Variants in PCDH9 observed in about 807,000 individuals in gnomAD.
PCDH9 encodes the protein protocadherin-9.
Under a neutral mutation model 70.6 loss-of-function variants are expected in PCDH9, and 24 were observed. The observed-to-expected ratio is 0.34, with a 90% confidence interval of 0.25 to 0.48. The LOEUF is 0.48. Ranked by LOEUF, PCDH9 falls within the 20% of genes least tolerant of loss-of-function variation. The pLI is 0.99. For synonymous variants in PCDH9, 562 were observed against 558.5 expected (o/e 1.01, Z -0.09); for missense variants, 1,281 against 1,503.6 (o/e 0.85, Z 2.45).
rs1050326381 is a variant in PCDH9, at chr13:66,866,493, CA to C, written c.3138+37010del. 2.1e-5 allele frequency among the ~76,000 whole-genome samples: 3 copies of C among 141,016 alleles called. No individual in the cohort carries two copies. In the East Asian group the frequency reaches 6.5e-4, roughly 31 times the overall value. 92.5% of individuals were successfully genotyped at this position (141,016 alleles called of 152,430 possible). On this transcript the variant is annotated intron_variant, in intron 3 of 4. Transcript: ENST00000377865. Reference sequence around the variant, plus strand: ...CGAGACTCAAAAATAAAAACAAAAACAAAAAAACAAAAACTTGCTCATGGCT... The same window carrying C: ...CGAGACTCAAAAATAAAAACAAAAACAAAAAACAAAAACTTGCTCATGGCT...
chr13:66,518,596 T>G (rs961510637), intron 4 of PCDH9, among the ~76,000 whole-genome samples: 2 of 152,122 alleles, frequency 1.3e-5, no homozygotes, highest in Non-Finnish European at 1.5e-5. Flanking sequence ...AAGGATATAC[T>G]TTGGAAAATT....
chr13:66,572,916 C>T (rs550091244), intron 4 of PCDH9, among the ~76,000 whole-genome samples: 36 of 152,122 alleles, frequency 2.4e-4, no homozygotes, highest in South Asian at 4.2e-4. Flanking sequence ...TGTGCCACTG[C>T]GCCTGGCTAA....
intron 2 of PCDH9, among the ~76,000 whole-genome samples, chr13:67,039,241 G>A (rs2085065783): frequency 6.6e-6 from 1 of 152,254 alleles, no homozygotes; most frequent in South Asian, 2.1e-4. Flanking sequence ...CCAGATTGAA[G>A]GTCCCATAAC....
intron 4 of PCDH9, among the ~76,000 whole-genome samples, chr13:66,455,631 G>T (rs1958303839): frequency 6.6e-6 from 1 of 151,986 alleles, no homozygotes; most frequent in Non-Finnish European, 1.5e-5. Context: ...ATTGCTCAGT[G>T]GGTCTATTCA....
intron 3 of PCDH9, among the ~76,000 whole-genome samples, chr13:66,877,269 ATATGT>A (rs1169815172): frequency 6.6e-6 from 1 of 151,770 alleles, no homozygotes; most frequent in African/African-American, 2.4e-5. Context: ...TATGAAATAT[ATATGT>A]TATATCAGAG....
At chr13:66,701,351 G>A (rs2078645243) in intron 3 of PCDH9, among the ~76,000 whole-genome samples, 1 of 151,906 alleles carries the variant, frequency 6.6e-6, no homozygotes, top group Non-Finnish European at 1.5e-5. Context: ...GTACATGTAT[G>A]AGTATGTAAA....
chr13:66,839,141 C>G (rs1335386005), intron 3 of PCDH9, among the ~76,000 whole-genome samples: 1 of 151,576 alleles, frequency 6.6e-6, no homozygotes, highest in Non-Finnish European at 1.5e-5. Context: ...AAAATATCAT[C>G]TTATAGAATA....
chr13:66,521,510 A>C (rs1401647439), intron 4 of PCDH9, among the ~76,000 whole-genome samples: 1 of 152,156 alleles, frequency 6.6e-6, no homozygotes, highest in Non-Finnish European at 1.5e-5. Context: ...AATTTTATGA[A>C]AACTGTCAAA....
intron 3 of PCDH9, among the ~76,000 whole-genome samples, chr13:66,763,806 G>GT (rs1336261363): frequency 3.3e-5 from 5 of 151,316 alleles, no homozygotes; most frequent in African/African-American, 1.2e-4. Flanking sequence ...TTGTTTTTTT[G>GT]TTTTTTTGAG....
At chr13:66,748,763 C>A (rs2079411380) in intron 3 of PCDH9, among the ~76,000 whole-genome samples, 2 of 152,174 alleles carry the variant, frequency 1.3e-5, no homozygotes, top group Non-Finnish European at 2.9e-5. Flanking sequence ...AACACAGATA[C>A]ATAAAACACT....
intron 2 of PCDH9, among the ~76,000 whole-genome samples, chr13:67,113,799 G>A (rs952898335): frequency 2.6e-5 from 4 of 152,128 alleles, no homozygotes; most frequent in Admixed American, 2.0e-4. Context: ...TGCCCGCCTC[G>A]GCCTCCCAAA....
intron 3 of PCDH9, among the ~76,000 whole-genome samples, chr13:66,724,230 T>C (rs1393418265): frequency 1.3e-5 from 2 of 152,214 alleles, no homozygotes; most frequent in Non-Finnish European, 2.9e-5. Flanking sequence ...TCACTTCAGG[T>C]GTTATTTAAA....
chr13:66,485,414 G>C (rs1293147190), intron 4 of PCDH9, among the ~76,000 whole-genome samples: 1 of 152,142 alleles, frequency 6.6e-6, no homozygotes, highest in Non-Finnish European at 1.5e-5. Context: ...AATATGCTGG[G>C]CTGCTTAAAT....
chr13:66,818,658 T>C (rs143434625), intron 3 of PCDH9, among the ~76,000 whole-genome samples: 3,164 of 152,176 alleles, frequency 0.021, 126 homozygotes, highest in African/African-American at 0.07. Context: ...ATGGGCCAGG[T>C]GCGGTGGCTC....
intron 3 of PCDH9, among the ~76,000 whole-genome samples, chr13:66,711,829 T>G (rs921792388): frequency 1.3e-5 from 2 of 152,156 alleles, no homozygotes; most frequent in African/African-American, 4.8e-5. Flanking sequence ...TGCAACAGTT[T>G]TACTTGATTT....
Position 66,712,643 on chromosome 13 carries a change from T to C in PCDH9, c.3139-81232A>G, listed in dbSNP as rs1350640996. On this transcript the variant is annotated intron_variant, in intron 3 of 4. Transcript: ENST00000377865. ...TGGATAACTTCCTCTCCAATTGAATTGTTTCATACTGGAAATTATACTGTC... is the reference window on the plus strand; with the variant it reads ...TGGATAACTTCCTCTCCAATTGAATCGTTTCATACTGGAAATTATACTGTC... Among the ~76,000 whole-genome samples, 4 of 152,170 alleles carry C rather than the reference T, an allele frequency of 2.6e-5. No homozygotes were observed. The East Asian group carries it at 7.7e-4, about 29-fold the overall frequency.
intron 2 of PCDH9, among the ~76,000 whole-genome samples, chr13:66,903,813 C>T (rs2139599468): frequency 6.6e-6 from 1 of 152,014 alleles, no homozygotes; most frequent in South Asian, 2.1e-4. Flanking sequence ...AACACTTTTA[C>T]TAAAACTAAA....
At chr13:66,755,056 TTCCTC>T (rs1263310341) in intron 3 of PCDH9, among the ~76,000 whole-genome samples, 6 of 152,202 alleles carry the variant, frequency 3.9e-5, no homozygotes, top group Non-Finnish European at 8.8e-5. Context: ...TACTTTTTAC[TTCCTC>T]TATCCAAAGC....
At chr13:66,469,003 A>G (rs766244525) in intron 4 of PCDH9, among the ~76,000 whole-genome samples, 15 of 152,156 alleles carry the variant, frequency 9.9e-5, no homozygotes, top group Non-Finnish European at 1.9e-4. Flanking sequence ...TAAAGGACTA[A>G]TTTATTCATT....
Sources: gnomAD v4.1 joint callset for allele counts (sites outside exome capture counted in the v4.1 genomes callset) on GRCh38, gnomAD v4.1.1 for gene constraint, MANE v1.5 for transcripts, NCBI Gene and HGNC (gene_info 2026-07-23, HGNC 2026-07-21) for gene names.